KCNIP4: variants seen among roughly 807,000 people sequenced by gnomAD.
KCNIP4 encodes the protein Kv channel-interacting protein 4.
In KCNIP4, 12 loss-of-function variants were observed where a neutral mutation model predicts 34.0. That is an observed-to-expected ratio of 0.35 (90% CI 0.23 to 0.57). The LOEUF (loss-of-function observed/expected upper bound fraction) is 0.57, where lower values mean the gene tolerates loss of function less well. Among genes scored for constraint, KCNIP4 ranks in the 20% least tolerant of loss-of-function variants. The pLI is 0.83. For synonymous variants in KCNIP4, 124 were observed against 102.2 expected (o/e 1.21, Z -1.29); for missense variants, 238 against 311.7 (o/e 0.76, Z 1.78).
Position 20,732,666 on chromosome 4 carries a change from T to C in KCNIP4, c.642+15A>G, listed in dbSNP as rs1748615941. The C allele has an allele frequency of 2.6e-6, 4 of 1,555,470 alleles. No homozygotes were observed. Among genetic ancestry groups the C allele is most frequent in the Non-Finnish European group, 3.5e-6 (4 of 1,127,016 alleles). On this transcript the variant is annotated intron_variant, in intron 7 of 8. Transcript: ENST00000382152. ...CCTAACTTCATGCCCTCTTGACTTC[T>C]GTTTTAATTCCTACCTGAAAAAATG... is the stretch of plus-strand genomic sequence containing the variant.
At chr4:21,539,924 G>A (rs1394604329) in intron 1 of KCNIP4, among the ~76,000 whole-genome samples, 1 of 151,436 alleles carries the variant, frequency 6.6e-6, no homozygotes, top group Non-Finnish European at 1.5e-5. Flanking sequence ...GTTGCAGTGA[G>A]CTGAGATTGT....
chr4:21,040,702 C>T (rs1017598305), intron 1 of KCNIP4, among the ~76,000 whole-genome samples: 1 of 152,054 alleles, frequency 6.6e-6, no homozygotes, highest in East Asian at 1.9e-4. Context: ...TGTACTTTAA[C>T]TCAGCCTTGA....
intron 1 of KCNIP4, among the ~76,000 whole-genome samples, chr4:21,395,378 C>G (rs1042536528): frequency 2.6e-5 from 4 of 152,118 alleles, no homozygotes; most frequent in African/African-American, 9.7e-5. Flanking sequence ...TCCTAAAAAT[C>G]TATTTGTCTT....
At chr4:20,899,607 C>T (rs879878397) in intron 1 of KCNIP4, among the ~76,000 whole-genome samples, 89 of 152,004 alleles carry the variant, frequency 5.9e-4, no homozygotes, top group Non-Finnish European at 2.5e-4. Flanking sequence ...TGAAATAGGA[C>T]CCTATAAATA....
intron 1 of KCNIP4, among the ~76,000 whole-genome samples, chr4:20,997,506 T>C (rs1737663562): frequency 6.6e-6 from 1 of 152,116 alleles, no homozygotes; most frequent in South Asian, 2.1e-4. Context: ...AATTAAAAGG[T>C]ATTGTAGGGA....
At chr4:21,713,479 A>G (rs371459042) in intron 1 of KCNIP4, among the ~76,000 whole-genome samples, 49 of 152,208 alleles carry the variant, frequency 3.2e-4, no homozygotes, top group African/African-American at 9.2e-4. Context: ...TTACTAATAC[A>G]TAATAGTTGT....
chr4:20,781,005 T>G (rs1002889557), intron 3 of KCNIP4, among the ~76,000 whole-genome samples: 2 of 152,224 alleles, frequency 1.3e-5, no homozygotes, highest in African/African-American at 4.8e-5. Context: ...GGTATTTCAG[T>G]GCTTTGGGAG....
Position 21,493,703 on chromosome 4 carries a change from C to T in KCNIP4, c.61+454868G>A, listed in dbSNP as rs116280354. On this transcript the variant is annotated intron_variant, in intron 1 of 8. Transcript: ENST00000382152. ...TTGAAAAGCACTTCTTTCACATGAA[C>T]GGAGCACAACTTTCCAATCTACAGA... is the stretch of plus-strand genomic sequence containing the variant. Among the ~76,000 whole-genome samples, 1,233 of 152,256 alleles carry T rather than the reference C, an allele frequency of 8.1e-3. 14 individuals are homozygous for T. Among genetic ancestry groups the T allele is most frequent in the African/African-American group, 0.029 (1,185 of 41,550 alleles).
chr4:21,415,147 T>C (rs978525817), intron 1 of KCNIP4, among the ~76,000 whole-genome samples: 1 of 152,026 alleles, frequency 6.6e-6, no homozygotes, highest in African/African-American at 2.4e-5. Context: ...AATTCTACTC[T>C]ATTTGAAGGA....
intron 1 of KCNIP4, among the ~76,000 whole-genome samples, chr4:21,764,860 AC>A (rs746059149): frequency 7.2e-5 from 11 of 152,152 alleles, no homozygotes; most frequent in Non-Finnish European, 1.2e-4. Context: ...TGTGGAGTGT[AC>A]AGGCATTGAA....
intron 1 of KCNIP4, among the ~76,000 whole-genome samples, chr4:21,691,193 G>T (rs1291268948): frequency 6.6e-6 from 1 of 152,192 alleles, no homozygotes; most frequent in Non-Finnish European, 1.5e-5. Context: ...CTTTCCCGCA[G>T]GTTCCTAGGA....
chr4:21,936,476 T>C (rs1560190660), intron 1 of KCNIP4, among the ~76,000 whole-genome samples: 3 of 152,108 alleles, frequency 2.0e-5, no homozygotes, highest in Admixed American at 1.3e-4. Flanking sequence ...CATGTCTTTA[T>C]TAGCAGCGTG....
chr4:21,919,213 T>A (rs1355421076), intron 1 of KCNIP4, among the ~76,000 whole-genome samples: 1 of 152,180 alleles, frequency 6.6e-6, no homozygotes, highest in African/African-American at 2.4e-5. Flanking sequence ...TCCTGTCTTT[T>A]TCCAAATGGG....
chr4:21,939,238 T>G (rs1258623646), intron 1 of KCNIP4, among the ~76,000 whole-genome samples: 1 of 152,196 alleles, frequency 6.6e-6, no homozygotes, highest in African/African-American at 2.4e-5. Flanking sequence ...TTCAAAGTAC[T>G]TTTTAATGAC....
intron 1 of KCNIP4, among the ~76,000 whole-genome samples, chr4:21,091,132 C>T (rs972962755): frequency 1.3e-5 from 2 of 152,154 alleles, no homozygotes; most frequent in African/African-American, 4.8e-5. Flanking sequence ...ACTGCTCATG[C>T]ATCATTCTCA....
chr4:21,295,302 G>A (rs1329033427), intron 1 of KCNIP4, among the ~76,000 whole-genome samples: 2 of 152,124 alleles, frequency 1.3e-5, no homozygotes, highest in Non-Finnish European at 2.9e-5. Flanking sequence ...GTGGTATCTG[G>A]TGCAGAGCAA....
intron 1 of KCNIP4, among the ~76,000 whole-genome samples, chr4:21,927,477 A>G (rs1249627426): frequency 2.0e-5 from 3 of 152,110 alleles, no homozygotes; most frequent in African/African-American, 4.8e-5. Flanking sequence ...CAGGGACTCA[A>G]TGGAACCCTC....
At chr4:21,518,401 C>A (rs1223221735) in intron 1 of KCNIP4, among the ~76,000 whole-genome samples, 2 of 152,124 alleles carry the variant, frequency 1.3e-5, no homozygotes, top group African/African-American at 4.8e-5. Flanking sequence ...GTGGAGGAGA[C>A]CCTAACCCTC....
intron 1 of KCNIP4, among the ~76,000 whole-genome samples, chr4:21,672,797 T>C (rs1024291526): frequency 6.6e-6 from 1 of 152,220 alleles, no homozygotes; most frequent in Non-Finnish European, 1.5e-5. Flanking sequence ...TGGGTGCTTC[T>C]GGCCCAGCAT....
Sources: gnomAD v4.1 joint callset for allele counts (sites outside exome capture counted in the v4.1 genomes callset) on GRCh38, gnomAD v4.1.1 for gene constraint, MANE v1.5 for transcripts, NCBI Gene and HGNC (gene_info 2026-07-23, HGNC 2026-07-21) for gene names.